TESC: variants seen among roughly 807,000 people sequenced by gnomAD.
The protein encoded by TESC is tescalcin.
Under a neutral mutation model 31.0 loss-of-function variants are expected in TESC, and 19 were observed. The ratio of observed to expected loss-of-function variants is 0.61; its 90% CI spans 0.43 to 0.90. The LOEUF is 0.90. Among genes scored for constraint, TESC ranks in the 40% least tolerant of loss-of-function variants. TESC has a pLI of 0.00. For missense variants in TESC, 248 were observed against 303.8 expected (o/e 0.82, Z 1.36); for synonymous variants, 109 against 114.8 (o/e 0.95, Z 0.32).
chr12:117,054,234 C>T (rs57212223), intron 3 of TESC, among the ~76,000 whole-genome samples: 7,534 of 152,088 alleles, frequency 0.05, 370 homozygotes, highest in South Asian at 0.16. Flanking sequence ...TCCTCCCTGG[C>T]CTCCACCTCC....
rs1955050502 is a variant in TESC, at chr12:117,075,871, GTGTGTATATATATATATATA to G, written c.59-551_59-532del. On this transcript the variant is annotated intron_variant, in intron 1 of 7. Coordinates refer to ENST00000335209, the MANE Select transcript of TESC (RefSeq NM_017899.4). ...TGTATATATATATATATATATATAT[GTGTGTATATATATATATATA>G]TATATATATATATATATATATATGT... 4.7e-4 allele frequency among the ~76,000 whole-genome samples: 21 copies of G among 45,128 alleles called. 1 individual carries two copies. Among genetic ancestry groups the G allele is most frequent in the African/African-American group, 2.2e-3 (20 of 9,268 alleles). The allele number at this position is 45,128 out of a possible 152,430, so 29.6% of individuals were successfully genotyped here.
chr12:117,055,527 T>C (rs1005627905), intron 3 of TESC, among the ~76,000 whole-genome samples: 2 of 152,206 alleles, frequency 1.3e-5, no homozygotes, highest in African/African-American at 4.8e-5. Context: ...GTCACATCCC[T>C]GTGCTGTCCC....
intron 6 of TESC, among the ~76,000 whole-genome samples, chr12:117,042,767 A>C (rs1386351636): frequency 6.6e-6 from 1 of 152,194 alleles, no homozygotes; most frequent in African/African-American, 2.4e-5. Context: ...GTGACAGCGA[A>C]AACCCGCTGA....
chr12:117,055,678 C>G (rs1023862050), intron 3 of TESC, among the ~76,000 whole-genome samples: 2 of 152,198 alleles, frequency 1.3e-5, no homozygotes, highest in Non-Finnish European at 2.9e-5. Flanking sequence ...CTGGAGGAAG[C>G]AAGCCGCCAT....
intron 1 of TESC, among the ~76,000 whole-genome samples, chr12:117,097,907 G>GA (rs1416383175): frequency 6.6e-6 from 1 of 151,676 alleles, no homozygotes; most frequent in Non-Finnish European, 1.5e-5. Flanking sequence ...TTAAAAAACA[G>GA]AAAAAAGGGT....
At chr12:117,069,831 A>C (rs1307414523) in intron 2 of TESC, among the ~76,000 whole-genome samples, 4 of 152,206 alleles carry the variant, frequency 2.6e-5, no homozygotes, top group Non-Finnish European at 5.9e-5. Flanking sequence ...GCAACTTACA[A>C]ATCTTATTCA....
chr12:117,060,345 GA>G (rs1565964665), intron 2 of TESC, among the ~76,000 whole-genome samples: 1 of 152,056 alleles, frequency 6.6e-6, no homozygotes, highest in East Asian at 1.9e-4. Context: ...TGGGAGCCGG[GA>G]ACATTCTGTT....
intron 2 of TESC, among the ~76,000 whole-genome samples, chr12:117,058,646 G>T (rs1431930535): frequency 6.6e-6 from 1 of 151,288 alleles, no homozygotes; most frequent in East Asian, 1.9e-4. Flanking sequence ...AGGAGGCTGA[G>T]GCAAGAGGAT....
At chr12:117,073,695 T>A (rs1955009575) in intron 2 of TESC, among the ~76,000 whole-genome samples, 2 of 152,192 alleles carry the variant, frequency 1.3e-5, no homozygotes, top group Admixed American at 1.3e-4. Flanking sequence ...GGAAACTACA[T>A]CTGTTAGAAG....
At chr12:117,081,114 C>T (rs1955141740) in intron 1 of TESC, among the ~76,000 whole-genome samples, 1 of 152,162 alleles carries the variant, frequency 6.6e-6, no homozygotes, top group Non-Finnish European at 1.5e-5. Context: ...TGGAGGTGAA[C>T]TGTCACTTTG....
intron 1 of TESC, among the ~76,000 whole-genome samples, chr12:117,097,456 C>T (rs1005067132): frequency 5.9e-5 from 9 of 152,110 alleles, no homozygotes; most frequent in Admixed American, 1.3e-4. Context: ...CGTGGGCTGC[C>T]GGAGAGCCCA....
At position 117,048,735 on chromosome 12, in the gene TESC, G is replaced by C. The variant is rs1337467997; in HGVS notation, c.349+284C>G. 5.2e-6 allele frequency: 3 copies of C among 577,768 alleles called. No homozygotes were observed. In the African/African-American group the frequency reaches 5.5e-5, roughly 11 times the overall value. The allele number at this position is 577,768 out of a possible 1,614,324, so 35.8% of individuals were successfully genotyped here. A position where few individuals can be genotyped will look rare whatever the true frequency, so the allele number is the denominator to read the frequency against. ...ATGGCTGGTGAGACGGGCCACACTG[G>C]AACCCAGGTCTTTGCATCAAGGGCC... On this transcript the variant is annotated intron_variant, in intron 4 of 7. Coordinates refer to ENST00000335209, the MANE Select transcript of TESC (RefSeq NM_017899.4).
At chr12:117,054,400 C>T (rs199775209) in intron 3 of TESC, among the ~76,000 whole-genome samples, 1 of 152,096 alleles carries the variant, frequency 6.6e-6, no homozygotes, top group Non-Finnish European at 1.5e-5. Context: ...AGATGCTGTC[C>T]GATGCAGCCT....
In TESC at chr12:117,091,527, G is replaced by A. The variant is rs150392720; in HGVS notation, c.58+7698C>T. Reference sequence around the variant, plus strand: ...GGGAGGCAAGAAAGAAAGATGCAGCGGGGATCTAATTACCACCAATCTGCG... The same window carrying A: ...GGGAGGCAAGAAAGAAAGATGCAGCAGGGATCTAATTACCACCAATCTGCG... On this transcript the variant is annotated intron_variant, in intron 1 of 7. Coordinates refer to ENST00000335209, the MANE Select transcript of TESC (RefSeq NM_017899.4). Among the ~76,000 whole-genome samples the A allele has an allele frequency of 4.2e-3, 639 of 152,342 alleles. 5 individuals are homozygous for A. Among genetic ancestry groups the A allele is most frequent in the African/African-American group, 0.014 (595 of 41,566 alleles).
At chr12:117,095,277 C>G (rs986586480) in intron 1 of TESC, among the ~76,000 whole-genome samples, 10 of 151,956 alleles carry the variant, frequency 6.6e-5, no homozygotes, top group Admixed American at 4.6e-4. Flanking sequence ...GTTTCACTAT[C>G]TTGGCCAGGC....
intron 1 of TESC, among the ~76,000 whole-genome samples, chr12:117,080,698 G>A (rs1955133745): frequency 6.6e-6 from 1 of 152,180 alleles, no homozygotes; most frequent in South Asian, 2.1e-4. Context: ...GCCCTGGCAG[G>A]TGGAGCTGGT....
At chr12:117,041,868 G>A in intron 7 of TESC, 79 bp downstream of exon 7, 1 of 1,414,106 alleles carries the variant, frequency 7.1e-7, no homozygotes, top group Non-Finnish European at 9.5e-7. Flanking sequence ...TGCAGGTAAA[G>A]AGCCATGTCC....
At chr12:117,067,558 C>T (rs927689626) in intron 2 of TESC, among the ~76,000 whole-genome samples, 6 of 152,090 alleles carry the variant, frequency 3.9e-5, no homozygotes, top group South Asian at 2.1e-4. Context: ...GACAACAGAA[C>T]GAGATCTTGC....
At chr12:117,079,515 T>C (rs1175551287) in intron 1 of TESC, among the ~76,000 whole-genome samples, 1 of 151,146 alleles carries the variant, frequency 6.6e-6, no homozygotes, top group Non-Finnish European at 1.5e-5. Context: ...TGAGCCAAGA[T>C]CGTGCCACTG....
Sources: allele counts gnomAD v4.1 joint callset (sites outside exome capture counted in the v4.1 genomes callset), GRCh38; gene constraint gnomAD v4.1.1; transcripts MANE v1.5; gene names NCBI Gene and HGNC (gene_info 2026-07-23, HGNC 2026-07-21).